The following NT5DC1 variants were observed in gnomAD, a reference collection of about 807,000 sequenced individuals.
The protein encoded by NT5DC1 is 5'-nucleotidase domain-containing protein 1.
A neutral mutation model predicts 59.4 loss-of-function variants in NT5DC1; 42 were observed. The ratio of observed to expected loss-of-function variants is 0.71; its 90% CI spans 0.55 to 0.92. The LOEUF is 0.92. NT5DC1 is among the 40% of genes least tolerant of loss of function. NT5DC1 has a pLI of 0.00. For synonymous variants in NT5DC1, 172 were observed against 188.1 expected (o/e 0.91, Z 0.70); for missense variants, 501 against 537.1 (o/e 0.93, Z 0.66).
At chr6:116,158,424 T>C (rs913056468) in intron 6 of NT5DC1, among the ~76,000 whole-genome samples, 4 of 152,190 alleles carry the variant, frequency 2.6e-5, no homozygotes, top group African/African-American at 7.2e-5. Context: ...AACCTTTGCT[T>C]AGTGAAGACA....
At chr6:116,110,062 T>C (rs755637510) in intron 3 of NT5DC1, among the ~76,000 whole-genome samples, 5 of 152,148 alleles carry the variant, frequency 3.3e-5, no homozygotes, top group East Asian at 1.9e-4. Flanking sequence ...AATATAACAA[T>C]AGAACTCAGA....
At chr6:116,105,630 G>T (rs1167243801) in intron 1 of NT5DC1, among the ~76,000 whole-genome samples, 1 of 152,050 alleles carries the variant, frequency 6.6e-6, no homozygotes, top group Non-Finnish European at 1.5e-5. Context: ...ATTTTTTGTT[G>T]TTGAGAAATA....
chr6:116,129,823 C>G (rs1160415153), intron 6 of NT5DC1, among the ~76,000 whole-genome samples: 2 of 152,162 alleles, frequency 1.3e-5, no homozygotes, highest in African/African-American at 4.8e-5. Flanking sequence ...ATGCAATTTC[C>G]TGTGATCTAG....
intron 6 of NT5DC1, among the ~76,000 whole-genome samples, chr6:116,214,868 C>T (rs1781660332): frequency 6.6e-6 from 1 of 151,774 alleles, no homozygotes; most frequent in Non-Finnish European, 1.5e-5. Flanking sequence ...GAGGCATAGA[C>T]TCAAGCAACT....
At chr6:116,111,699 G>A (rs1778878927) in intron 4 of NT5DC1, among the ~76,000 whole-genome samples, 2 of 152,042 alleles carry the variant, frequency 1.3e-5, no homozygotes, top group Non-Finnish European at 2.9e-5. Flanking sequence ...TGTTCCTATT[G>A]TGTTTGCTTT....
intron 8 of NT5DC1, among the ~76,000 whole-genome samples, chr6:116,228,645 A>G (rs570309069): frequency 1.3e-5 from 2 of 152,308 alleles, no homozygotes; most frequent in South Asian, 2.1e-4. Context: ...TTAGAATTAA[A>G]CCAAAATACT....
At chr6:116,171,188 A>G (rs897064178) in intron 6 of NT5DC1, among the ~76,000 whole-genome samples, 1 of 152,144 alleles carries the variant, frequency 6.6e-6, no homozygotes, top group Non-Finnish European at 1.5e-5. Context: ...ACCCACTTAT[A>G]TTATTGTCAC....
At chr6:116,123,989 A>G (rs1324152441) in intron 6 of NT5DC1, among the ~76,000 whole-genome samples, 1 of 152,068 alleles carries the variant, frequency 6.6e-6, no homozygotes, top group African/African-American at 2.4e-5. Flanking sequence ...TAGCATTTCA[A>G]ATTGTGTTTG....
At chr6:116,169,089 C>T (rs1183851252) in intron 6 of NT5DC1, among the ~76,000 whole-genome samples, 10 of 152,184 alleles carry the variant, frequency 6.6e-5, no homozygotes, top group African/African-American at 2.4e-4. Context: ...ACTTCTTAGG[C>T]TCTCCTTTAC....
chr6:116,123,284 G>C (rs753691878), intron 6 of NT5DC1, among the ~76,000 whole-genome samples: 1 of 152,130 alleles, frequency 6.6e-6, no homozygotes, highest in Non-Finnish European at 1.5e-5. Flanking sequence ...TTGTCACTTG[G>C]AATGTTGTCC....
intron 6 of NT5DC1, among the ~76,000 whole-genome samples, chr6:116,195,089 C>T (rs1781196975): frequency 6.6e-6 from 1 of 151,972 alleles, no homozygotes; most frequent in Non-Finnish European, 1.5e-5. Flanking sequence ...TTTTGCTTGC[C>T]AGCCTAGGAT....
intron 6 of NT5DC1, among the ~76,000 whole-genome samples, chr6:116,189,243 AC>A (rs1423044516): frequency 6.6e-6 from 1 of 151,816 alleles, no homozygotes; most frequent in Non-Finnish European, 1.5e-5. Flanking sequence ...ATTAACTGGT[AC>A]TTTTTTCTCT....
At chr6:116,201,049 G>A (rs1182361001) in intron 6 of NT5DC1, among the ~76,000 whole-genome samples, 1 of 151,964 alleles carries the variant, frequency 6.6e-6, no homozygotes, top group African/African-American at 2.4e-5. Flanking sequence ...TTGCCCAGTA[G>A]GAGTGAAGTA....
At chr6:116,230,222 T>C (rs2114551604) in intron 8 of NT5DC1, among the ~76,000 whole-genome samples, 1 of 152,316 alleles carries the variant, frequency 6.6e-6, no homozygotes, top group Admixed American at 6.5e-5. Flanking sequence ...TTCTTTAAAA[T>C]TTCCCACATC....
intron 6 of NT5DC1, among the ~76,000 whole-genome samples, chr6:116,151,811 A>G (rs1780048126): frequency 6.6e-6 from 1 of 152,200 alleles, no homozygotes; most frequent in Non-Finnish European, 1.5e-5. Context: ...ACAACAAAAT[A>G]CTTCACTGTA....
chr6:116,176,145 T>C (rs376468930), intron 6 of NT5DC1, among the ~76,000 whole-genome samples: 2 of 152,330 alleles, frequency 1.3e-5, no homozygotes, highest in East Asian at 3.9e-4. Context: ...TTTTGCTACC[T>C]ATGGTAGACC....
At chr6:116,117,756 C>T in intron 5 of NT5DC1, 105 bp from the exon 6 acceptor site, 2 of 638,414 alleles carry the variant, frequency 3.1e-6, no homozygotes, top group Non-Finnish European at 5.5e-6. Flanking sequence ...TAAGTCTAAC[C>T]ATCTTAAGTC....
Position 116,120,788 on chromosome 6 carries a change from C to T in NT5DC1, c.529+2843C>T, listed in dbSNP as rs539549311. ...TCTAGTACCTGGTATTCCAGGGGCA[C>T]CTCTTGGGCCAGCCTCTCCATTGTG... On this transcript the variant is annotated intron_variant, in intron 6 of 11. Coordinates refer to ENST00000319550, the MANE Select transcript of NT5DC1 (RefSeq NM_152729.3). 8.1e-6 allele frequency: 13 copies of T among 1,613,546 alleles called. No homozygotes were observed. The East Asian group carries it at 8.9e-5, about 11-fold the overall frequency.
intron 6 of NT5DC1, among the ~76,000 whole-genome samples, chr6:116,165,258 C>T (rs369852376): frequency 2.2e-4 from 34 of 152,032 alleles, no homozygotes; most frequent in African/African-American, 7.2e-4. Context: ...TTTCTAGTGG[C>T]GTTTAAGATT....
Sources: allele counts gnomAD v4.1 joint callset (sites outside exome capture counted in the v4.1 genomes callset), GRCh38; gene constraint gnomAD v4.1.1; transcripts MANE v1.5; gene names NCBI Gene and HGNC (gene_info 2026-07-23, HGNC 2026-07-21).